The following IL20RB variants were observed in gnomAD, a reference collection of about 807,000 sequenced individuals.
IL20RB encodes the protein interleukin 20 receptor subunit beta.
IL20RB carries 21 observed loss-of-function variants against 33.3 expected under a neutral mutation model. That is an observed-to-expected ratio of 0.63 (90% CI 0.45 to 0.91). The LOEUF (loss-of-function observed/expected upper bound fraction) is 0.91. Among genes scored for constraint, IL20RB ranks in the 40% least tolerant of loss-of-function variants. The pLI is 0.00. For missense variants in IL20RB, 345 were observed against 384.8 expected (o/e 0.90, Z 0.86); for synonymous variants, 147 against 146.8 (o/e 1.00, Z -0.01).
intron 3 of IL20RB, among the ~76,000 whole-genome samples, chr3:136,985,150 A>C (rs1941869544): frequency 6.6e-6 from 1 of 152,232 alleles, no homozygotes; most frequent in South Asian, 2.1e-4. Context: ...CTGTACTTGC[A>C]TCAGAAGATG....
chr3:136,997,694 G>A (rs1942158789), intron 6 of IL20RB, among the ~76,000 whole-genome samples: 1 of 151,070 alleles, frequency 6.6e-6, no homozygotes, highest in Non-Finnish European at 1.5e-5. Context: ...ACAGCATATA[G>A]TCAGTCTTTT....
chr3:136,978,425 C>G (rs963864358), intron 1 of IL20RB, among the ~76,000 whole-genome samples: 1 of 152,152 alleles, frequency 6.6e-6, no homozygotes, highest in Non-Finnish European at 1.5e-5. Flanking sequence ...CTCGGCCTCC[C>G]AAAGTGCTGG....
chr3:136,977,835 A>T (rs1198652780), intron 1 of IL20RB, among the ~76,000 whole-genome samples: 2 of 151,446 alleles, frequency 1.3e-5, no homozygotes, highest in African/African-American at 4.9e-5. Context: ...CTGGTTTTAG[A>T]TTTTTTTTTA....
chr3:137,004,193 T>C (rs1347888536), intron 6 of IL20RB, among the ~76,000 whole-genome samples: 2 of 152,250 alleles, frequency 1.3e-5, no homozygotes, highest in African/African-American at 2.4e-5. Flanking sequence ...TTTGCATTGA[T>C]ATTCCTCAGG....
chr3:136,972,954 T>A (rs1941524907), intron 1 of IL20RB, among the ~76,000 whole-genome samples: 1 of 152,178 alleles, frequency 6.6e-6, no homozygotes, highest in Non-Finnish European at 1.5e-5. Flanking sequence ...CTCTTATTAC[T>A]GCTTTTGATA....
intron 1 of IL20RB, among the ~76,000 whole-genome samples, chr3:136,961,778 C>A (rs1319874135): frequency 6.6e-6 from 1 of 152,072 alleles, no homozygotes; most frequent in Non-Finnish European, 1.5e-5. Flanking sequence ...TGTTAGCATT[C>A]AGGGAAGTTG....
intron 6 of IL20RB, among the ~76,000 whole-genome samples, chr3:137,001,755 A>G (rs1310054237): frequency 6.6e-6 from 1 of 152,134 alleles, no homozygotes; most frequent in African/African-American, 2.4e-5. Context: ...ATTAAAGTTT[A>G]TATCACCAAG....
chr3:136,975,716 A>C (rs1461154520), intron 1 of IL20RB, among the ~76,000 whole-genome samples: 1 of 152,118 alleles, frequency 6.6e-6, no homozygotes, highest in African/African-American at 2.4e-5. Context: ...GGGTACAGTT[A>C]TTGGAGTCTG....
chr3:136,985,937 T>C (rs920966625), intron 3 of IL20RB, among the ~76,000 whole-genome samples: 4 of 152,202 alleles, frequency 2.6e-5, no homozygotes, highest in Non-Finnish European at 4.4e-5. Flanking sequence ...ACTCTGGGCA[T>C]GTCACTTAAT....
At chr3:136,973,481 A>G (rs1472518132) in intron 1 of IL20RB, among the ~76,000 whole-genome samples, 2 of 152,210 alleles carry the variant, frequency 1.3e-5, no homozygotes, top group African/African-American at 4.8e-5. Flanking sequence ...GTGACCTAAC[A>G]TATGGTTTAT....
chr3:137,000,144 G>A (rs1560077030), intron 6 of IL20RB, among the ~76,000 whole-genome samples: 1 of 151,908 alleles, frequency 6.6e-6, no homozygotes, highest in African/African-American at 2.4e-5. Flanking sequence ...GATTTTTTTT[G>A]TTTGTTTATT....
intron 5 of IL20RB, among the ~76,000 whole-genome samples, chr3:136,993,640 A>G (rs1942073913): frequency 6.7e-6 from 1 of 149,886 alleles, no homozygotes; most frequent in African/African-American, 2.5e-5. Flanking sequence ...CTCATTGTTC[A>G]GTTCCCACCT....
intron 1 of IL20RB, among the ~76,000 whole-genome samples, chr3:136,961,546 A>AG (rs1198219913): frequency 3.3e-5 from 5 of 151,878 alleles, no homozygotes; most frequent in African/African-American, 1.2e-4. Flanking sequence ...CAGGGAAAAA[A>AG]CAAGATGAGA....
intron 6 of IL20RB, among the ~76,000 whole-genome samples, chr3:136,999,536 C>G (rs983822041): frequency 4.0e-5 from 6 of 151,000 alleles, no homozygotes; most frequent in Non-Finnish European, 8.8e-5. Flanking sequence ...GCCACTGCTC[C>G]CAGCCCATAT....
At chr3:136,995,679 G>A (rs1274157800) in intron 6 of IL20RB, 123 bp downstream of exon 6, 2 of 857,818 alleles carry the variant, frequency 2.3e-6, no homozygotes, top group African/African-American at 3.4e-5. Flanking sequence ...TGCACAGAGA[G>A]GGGAGAGGAA....
intron 1 of IL20RB, among the ~76,000 whole-genome samples, chr3:136,974,204 T>C (rs2108188256): frequency 6.6e-6 from 1 of 152,300 alleles, no homozygotes; most frequent in East Asian, 1.9e-4. Flanking sequence ...GTCCTTTCTC[T>C]TCCTCCTTTG....
chr3:136,963,038 T>C (rs994429289), intron 1 of IL20RB, among the ~76,000 whole-genome samples: 2 of 152,200 alleles, frequency 1.3e-5, no homozygotes, highest in African/African-American at 2.4e-5. Context: ...CTCTGTATTA[T>C]TTTGCAACTC....
At chr3:137,002,190 T>G (rs2107719852) in intron 6 of IL20RB, among the ~76,000 whole-genome samples, 1 of 152,300 alleles carries the variant, frequency 6.6e-6, no homozygotes, top group Middle Eastern at 3.4e-3. Context: ...GACATTTGGG[T>G]TGGTTCCAAG....
chr3:136,989,683 G>A lies in IL20RB; in HGVS notation c.531+118G>A, dbSNP rs1941993298. ...GGTGACCTGGGGATGAGCAGTCCTG[G>A]GTGAAGTGTGCAAAAGATGAGTATG... On this transcript the variant is annotated intron_variant, in intron 4 of 6. Transcript: ENST00000329582. 2.6e-6 allele frequency: 3 copies of A among 1,132,554 alleles called. No individual in the cohort carries two copies. In the African/African-American group the frequency reaches 4.7e-5, roughly 18 times the overall value. The allele number at this position is 1,132,554 out of a possible 1,614,324, so 70.2% of individuals were successfully genotyped here.
Sources: gnomAD v4.1 joint callset for allele counts (sites outside exome capture counted in the v4.1 genomes callset) on GRCh38, gnomAD v4.1.1 for gene constraint, MANE v1.5 for transcripts, NCBI Gene and HGNC (gene_info 2026-07-23, HGNC 2026-07-21) for gene names.